Variants in MYO9B observed in about 807,000 individuals in gnomAD.
The protein encoded by MYO9B is myosin IXB.
Under a neutral mutation model 229.5 loss-of-function variants are expected in MYO9B, and 71 were observed. That is an observed-to-expected ratio of 0.31 (90% CI 0.26 to 0.38). The LOEUF (loss-of-function observed/expected upper bound fraction) is 0.38. MYO9B is among the 10% of genes least tolerant of loss of function. MYO9B has a pLI of 1.00. For synonymous variants in MYO9B, 1,185 were observed against 1,235.8 expected (o/e 0.96, Z 0.86); for missense variants, 2,255 against 2,920.5 (o/e 0.77, Z 5.25).
At chr19:17,132,259 C>T (rs2072207690) in intron 2 of MYO9B, among the ~76,000 whole-genome samples, 1 of 128,498 alleles carries the variant, frequency 7.8e-6, no homozygotes, top group African/African-American at 3.0e-5. Flanking sequence ...AATCTTGACT[C>T]ACTGCAACCT....
rs2073067849 is a variant in MYO9B at position 17,198,188 on chromosome 19, C to T, written c.4118C>T (p.Ala1373Val). The T allele has an allele frequency of 6.2e-7, 1 of 1,613,648 alleles. No homozygotes were observed. The highest frequency in any genetic ancestry group is 1.7e-5 in the Admixed American group (1 of 59,996). Residue 1373 changes from alanine to valine, a missense_variant, in exon 24 of 40, where the codon GCA becomes GTA. Around this residue, in one of 7 missense-constraint regions of MYO9B, gnomAD observed 679 missense variants for 770.2 expected, o/e 0.88. Coordinates refer to ENST00000682292, the MANE Select transcript of MYO9B (RefSeq NM_004145.4). ...CCCCACTGCACCGTCTTGCAGCCTGCAGCAGAAACCACGGACGGAGAGCGA... is the reference window on the plus strand; with the variant it reads ...CCCCACTGCACCGTCTTGCAGCCTGTAGCAGAAACCACGGACGGAGAGCGA... The part of the protein sequence containing the change: ...LLPSLAKAQP[A>V]AETTDGERSA...
chr19:17,126,019 C>T (rs2058013984), intron 2 of MYO9B, among the ~76,000 whole-genome samples: 1 of 152,158 alleles, frequency 6.6e-6, no homozygotes, highest in Non-Finnish European at 1.5e-5. Flanking sequence ...GCTGCCTCCT[C>T]ACCTCCATGA....
intron 1 of MYO9B, among the ~76,000 whole-genome samples, chr19:17,094,237 G>A (rs1328974700): frequency 6.6e-6 from 1 of 152,148 alleles, no homozygotes; most frequent in African/African-American, 2.4e-5. Context: ...ATTTCTCCAT[G>A]TTGGTCAGGC....
chr19:17,189,193 G>A, intron 19 of MYO9B, among the ~76,000 whole-genome samples: 1 of 151,940 alleles, frequency 6.6e-6, no homozygotes, highest in East Asian at 1.9e-4. Flanking sequence ...AGACAAGGTG[G>A]TATGCACCTG....
At chr19:17,098,963 C>T (rs1460178432) in intron 1 of MYO9B, among the ~76,000 whole-genome samples, 23 of 118,634 alleles carry the variant, frequency 1.9e-4, no homozygotes, top group African/African-American at 7.4e-4. Flanking sequence ...AGAAACTGGG[C>T]GACCCTCTCT....
Position 17,154,175 on chromosome 19 carries a change from T to A in MYO9B, c.1098+109T>A, listed in dbSNP as rs137969024. The A allele has an allele frequency of 1.7e-3, 2,242 of 1,329,344 alleles. 31 individuals are homozygous for A. The African/African-American group carries it at 0.028, about 16-fold the overall frequency. The allele number at this position is 1,329,344 out of a possible 1,614,324, so 82.3% of individuals were successfully genotyped here. A position where few individuals can be genotyped will look rare whatever the true frequency, so the allele number is the denominator to read the frequency against. On this transcript the variant is annotated intron_variant, in intron 5 of 39. Coordinates refer to ENST00000682292, the MANE Select transcript of MYO9B (RefSeq NM_004145.4). ...AGCCTGCCCTGGCCCCCGAACCCGC[T>A]CCCAGAAGGCAGCATTAAAAGAACC...
chr19:17,135,128 A>AT (rs2072253155), intron 2 of MYO9B, among the ~76,000 whole-genome samples: 1 of 152,190 alleles, frequency 6.6e-6, no homozygotes, highest in Non-Finnish European at 1.5e-5. Context: ...GAACGTGAGA[A>AT]TGCAAGCATT....
intron 3 of MYO9B, among the ~76,000 whole-genome samples, chr19:17,147,672 A>ATTTTTTTTTT: frequency 1.2e-5 from 1 of 81,206 alleles, no homozygotes; most frequent in Non-Finnish European, 2.2e-5. Context: ...ACTATGTTTA[A>ATTTTTTTTTT]TTTTTTTTTT....
chr19:17,134,670 G>A lies in MYO9B; in HGVS notation c.841-10727G>A, dbSNP rs931719694. ...CCCAAAGTGCTGGAATTACAGGTGT[G>A]AGCCACCATGCTCAGCCAGGATCTC... On this transcript the variant is annotated intron_variant, in intron 2 of 39. Coordinates refer to ENST00000682292, the MANE Select transcript of MYO9B (RefSeq NM_004145.4). Among the ~76,000 whole-genome samples the A allele has an allele frequency of 9.2e-5, 14 of 151,924 alleles. 2 individuals are homozygous for A. Among genetic ancestry groups the A allele is most frequent in the Middle Eastern group, 3.4e-3 (1 of 294 alleles).
chr19:17,108,940 T>C (rs1428213867), intron 2 of MYO9B, among the ~76,000 whole-genome samples: 1 of 152,112 alleles, frequency 6.6e-6, no homozygotes, highest in Non-Finnish European at 1.5e-5. Context: ...CTCAAACTCC[T>C]GACCTCAAGT....
At chr19:17,081,810 CAAAAAAAAA>C (rs5827357) in intron 1 of MYO9B, among the ~76,000 whole-genome samples, 4 of 69,920 alleles carry the variant, frequency 5.7e-5, no homozygotes, top group Non-Finnish European at 1.1e-4. Flanking sequence ...GATCCCATCT[CAAAAAAAAA>C]AAAAAAAAAA....
rs905418681 is a variant in MYO9B at position 17,145,720 on chromosome 19, C to T, written c.935+229C>T. On this transcript the variant is annotated intron_variant, in intron 3 of 39. Coordinates refer to ENST00000682292, the MANE Select transcript of MYO9B (RefSeq NM_004145.4). ...ACGTGGCTAGAGGTAGTGGGCTTTACCGAGAACAGGCAAGGACAGCCCAGC... is the reference window on the plus strand; with the variant it reads ...ACGTGGCTAGAGGTAGTGGGCTTTATCGAGAACAGGCAAGGACAGCCCAGC... Among the ~76,000 whole-genome samples the T allele has an allele frequency of 2.6e-5, 4 of 151,952 alleles. No individual in the cohort carries two copies. In the East Asian group the frequency reaches 7.7e-4, roughly 29 times the overall value.
intron 1 of MYO9B, among the ~76,000 whole-genome samples, chr19:17,097,519 A>C (rs2057704537): frequency 6.6e-6 from 1 of 152,244 alleles, no homozygotes; most frequent in Non-Finnish European, 1.5e-5. Flanking sequence ...TCCAAAATTT[A>C]TTAAACTATA....
chr19:17,137,645 G>A (rs1327476444), intron 2 of MYO9B, among the ~76,000 whole-genome samples: 1 of 152,178 alleles, frequency 6.6e-6, no homozygotes, highest in African/African-American at 2.4e-5. Context: ...ACCCGCACAT[G>A]GGTCCAGCCA....
rs774490037 is a variant in MYO9B at position 17,192,915 on chromosome 19, G to A, written c.2981G>A (p.Arg994Gln). ...ATCCAGGCCTGCTGGCGGTCCTACC[G>A]GGTCCGGAGGGCGCTGGAGAGGACG... is the stretch of plus-strand genomic sequence containing the variant. ...VTIQACWRSY[R>Q]VRRALERTQA... is the part of the protein sequence containing the mutation. The change falls in exon 21 of 40, where the codon CGG becomes CAG. Residue 994 changes from arginine to glutamine, a missense_variant. Around this residue, in one of 7 missense-constraint regions of MYO9B, gnomAD observed 679 missense variants for 770.2 expected, o/e 0.88. Coordinates refer to ENST00000682292, the MANE Select transcript of MYO9B (RefSeq NM_004145.4). 43 of 1,549,776 alleles carry A rather than the reference G, an allele frequency of 2.8e-5. No homozygotes were observed. The highest frequency in any genetic ancestry group is 1.2e-4 in the South Asian group (10 of 84,040).
chr19:17,121,685 T>C (rs2057966835), intron 2 of MYO9B, among the ~76,000 whole-genome samples: 1 of 152,160 alleles, frequency 6.6e-6, no homozygotes, highest in Non-Finnish European at 1.5e-5. Context: ...ATGTTCACTT[T>C]TGCCGCATTA....
chr19:17,211,957 G>C lies in MYO9B; in HGVS notation c.6121G>C (p.Ala2041Pro). ...CACCCCGAGCCCCCTCCCCACCGTGGCCGCCCCTCCACGACGAAGGCCGTC... is the reference window on the plus strand; with the variant it reads ...CACCCCGAGCCCCCTCCCCACCGTGCCCGCCCCTCCACGACGAAGGCCGTC... ...APTPSPLPTV[A>P]APPRRRPSSF... Residue 2041 changes from alanine (A) to proline (P), a missense_variant, in exon 40 of 40, where the codon GCC becomes CCC. Transcript: ENST00000682292. The C allele has an allele frequency of 6.4e-7, 1 of 1,552,818 alleles. No individual in the cohort carries two copies. The highest frequency in any genetic ancestry group is 8.7e-7 in the Non-Finnish European group (1 of 1,149,468).
At chr19:17,190,338 C>G (rs368373328) in intron 19 of MYO9B, among the ~76,000 whole-genome samples, 1 of 151,696 alleles carries the variant, frequency 6.6e-6, no homozygotes, top group Admixed American at 6.6e-5. Flanking sequence ...GGGTTACAGG[C>G]GCCTGCCACC....
intron 2 of MYO9B, among the ~76,000 whole-genome samples, chr19:17,128,290 C>G (rs1448671767): frequency 6.6e-6 from 1 of 151,946 alleles, no homozygotes; most frequent in Non-Finnish European, 1.5e-5. Flanking sequence ...ACTTGAGAGT[C>G]TGAGGCGGGA....
Sources: gnomAD v4.1 joint callset for allele counts (sites outside exome capture counted in the v4.1 genomes callset) on GRCh38, gnomAD v4.1.1 for gene constraint, gnomAD v4.1.1 regional missense constraint, MANE v1.5 for transcripts, NCBI Gene and HGNC (gene_info 2026-07-23, HGNC 2026-07-21) for gene names.